RAPH1: variants seen among roughly 807,000 people sequenced by gnomAD.
RAPH1 encodes the protein ras-associated and pleckstrin homology domains-containing protein 1.
Under a neutral mutation model 88.1 loss-of-function variants are expected in RAPH1, and 18 were observed. That is an observed-to-expected ratio of 0.20 (90% confidence interval 0.14 to 0.30). The LOEUF is 0.30. Among genes scored for constraint, RAPH1 ranks in the 10% least tolerant of loss-of-function variants. The pLI, the probability that RAPH1 is intolerant of heterozygous loss-of-function variation, is 1.00. For synonymous variants in RAPH1, 587 were observed against 559.0 expected, an observed-to-expected ratio of 1.05 and a Z score of -0.71; for missense variants, 1,448 against 1,543.2, an observed-to-expected ratio of 0.94 and a Z score of 1.03.
At chr2:203,463,189 G>C (rs2098525537) in intron 4 of RAPH1, among the ~76,000 whole-genome samples, 1 of 147,310 alleles carries the variant, frequency 6.8e-6, no homozygotes. Context: ...GCAACAGAGC[G>C]AGACTCCATC....
chr2:203,490,991 C>T (rs1297657771), intron 3 of RAPH1, among the ~76,000 whole-genome samples: 6 of 150,636 alleles, frequency 4.0e-5, no homozygotes, highest in Non-Finnish European at 5.9e-5. Context: ...TTGCAGTGAG[C>T]CGAGACTGTG....
intron 4 of RAPH1, chr2:203,477,156 G>A (rs773836422): frequency 6.2e-7 from 1 of 1,613,384 alleles, no homozygotes; most frequent in East Asian, 2.2e-5. Context: ...GAAATAGCAT[G>A]CTGTGAAAAT....
intron 1 of RAPH1, among the ~76,000 whole-genome samples, chr2:203,501,775 C>T (rs1222038445): frequency 1.4e-5 from 2 of 140,930 alleles, no homozygotes; most frequent in African/African-American, 5.5e-5. Context: ...TCCAAACCTT[C>T]GAAAATACTC....
chr2:203,499,703 T>G (rs1688657991), intron 1 of RAPH1, among the ~76,000 whole-genome samples: 1 of 151,534 alleles, frequency 6.6e-6, no homozygotes, highest in South Asian at 2.1e-4. Context: ...ACGAGTGAAC[T>G]CCATCTCAAA....
rs1017619951 is a variant in RAPH1, at chr2:203,464,170, T to C, written c.733-2245A>G. Among the ~76,000 whole-genome samples the C allele has an allele frequency of 3.3e-5, 5 of 152,222 alleles. No homozygotes were observed. The East Asian group carries it at 9.6e-4, about 29-fold the overall frequency. On this transcript the variant is annotated intron_variant, in intron 4 of 13. Transcript: ENST00000319170. ...TGCAAAGAAAGTTTACCAAGGTATA[T>C]TTGCAGGTTTCACTTCATATTCCTG... is the stretch of plus-strand genomic sequence containing the variant.
intron 2 of RAPH1, among the ~76,000 whole-genome samples, chr2:203,493,971 CAAAAAAA>C (rs397937732): frequency 1.5e-3 from 29 of 18,958 alleles, no homozygotes; most frequent in Middle Eastern, 0.045. Flanking sequence ...GACTCTATCT[CAAAAAAA>C]AAAAAAAAAA....
In RAPH1 at chr2:203,455,559, C is replaced by T; in HGVS notation, c.1180G>A (p.Val394Ile). The T allele has an allele frequency of 6.2e-7, 1 of 1,611,978 alleles. No homozygotes were observed. The highest frequency in any genetic ancestry group is 2.2e-5 in the East Asian group (1 of 44,840). ...LLEECFCGSS[V>I]TVPEIEGVLW... ...ACTCCTTCAATTTCTGGTACAGTTA[C>T]AGAACTTCCACAAAAACATTCCTAA... Residue 394 changes from valine (V) to isoleucine (I), a missense_variant, in exon 9 of 14, where the codon GTA (valine) becomes ATA (isoleucine). By Grantham distance (29) the Val-to-Ile change is conservative. Around this residue, in one of 2 missense-constraint regions of RAPH1, gnomAD observed 513 missense variants for 653.1 expected, o/e 0.79. Coordinates refer to ENST00000319170, the MANE Select transcript of RAPH1 (RefSeq NM_213589.3).
In RAPH1 at chr2:203,478,134, C is replaced by T. The variant is rs575105824; in HGVS notation, c.732+11450G>A. On this transcript the variant is annotated intron_variant, in intron 4 of 13. Transcript: ENST00000319170. ...TTGCAAGCTCCACCTCCTGGGTTCACGCCATTCTCCTGCCTCATCCTCCCG... is the reference window on the plus strand; with the variant it reads ...TTGCAAGCTCCACCTCCTGGGTTCATGCCATTCTCCTGCCTCATCCTCCCG... Among the ~76,000 whole-genome samples, 10 of 151,236 alleles carry T rather than the reference C, an allele frequency of 6.6e-5. No individual in the cohort carries two copies. In the East Asian group the frequency reaches 1.6e-3, roughly 24 times the overall value.
rs549056071 is a variant in RAPH1, at chr2:203,520,236, G to A, written c.-1+14875C>T. ...GGTCTCAGCAACTTGGGAGGCTGAG[G>A]TGGGAGGATCACTGGAGCCTGGGAA... On this transcript the variant is annotated intron_variant, in intron 1 of 13. Coordinates refer to ENST00000319170, the MANE Select transcript of RAPH1 (RefSeq NM_213589.3). Among the ~76,000 whole-genome samples, 4 of 152,196 alleles carry A rather than the reference G, an allele frequency of 2.6e-5. No homozygotes were observed. In the South Asian group the frequency reaches 8.3e-4, roughly 32 times the overall value.
intron 4 of RAPH1, 61 bp downstream of exon 4, chr2:203,489,523 T>TA: frequency 8.3e-7 from 1 of 1,202,610 alleles, no homozygotes; most frequent in South Asian, 2.5e-5. Flanking sequence ...AAAATTATTT[T>TA]AATATAATTT....
At chr2:203,456,032 A>G (rs2098519180) in intron 8 of RAPH1, among the ~76,000 whole-genome samples, 1 of 150,684 alleles carries the variant, frequency 6.6e-6, no homozygotes, top group African/African-American at 2.5e-5. Context: ...AAACAAAAAC[A>G]AAAACAAAAA....
intron 4 of RAPH1, among the ~76,000 whole-genome samples, chr2:203,486,045 A>C (rs1038031742): frequency 3.3e-5 from 5 of 151,656 alleles, no homozygotes; most frequent in Non-Finnish European, 5.9e-5. Flanking sequence ...TTCTCCAGAG[A>C]AGCTCACCAG....
chr2:203,521,066 G>GT (rs1179262842), intron 1 of RAPH1, among the ~76,000 whole-genome samples: 1 of 151,992 alleles, frequency 6.6e-6, no homozygotes, highest in Non-Finnish European at 1.5e-5. Flanking sequence ...TTTTTGTTTT[G>GT]TTTTTGAGAC....
At chr2:203,495,716 G>A (rs1331343073) in intron 1 of RAPH1, among the ~76,000 whole-genome samples, 1 of 151,918 alleles carries the variant, frequency 6.6e-6, no homozygotes, top group Non-Finnish European at 1.5e-5. Flanking sequence ...CCACAAAGAA[G>A]CCATTTCAGA....
rs531151135 is a variant in RAPH1, at chr2:203,482,054, A to G, written c.732+7530T>C. On this transcript the variant is annotated intron_variant, in intron 4 of 13. Transcript: ENST00000319170. ...CACAGATTTCCAAGAAACACCAACA[A>G]TAAGAGTCAAGGCATATGTGCCAGT... Among the ~76,000 whole-genome samples, 16 of 152,110 alleles carry G rather than the reference A, an allele frequency of 1.1e-4. No individual in the cohort carries two copies. In the South Asian group the frequency reaches 2.9e-3, roughly 28 times the overall value.
At chr2:203,468,481 C>T (rs2098530404) in intron 4 of RAPH1, among the ~76,000 whole-genome samples, 1 of 152,306 alleles carries the variant, frequency 6.6e-6, no homozygotes, top group South Asian at 2.1e-4. Context: ...CCTCCTAGAA[C>T]CCGCTGATCT....
intron 4 of RAPH1, among the ~76,000 whole-genome samples, chr2:203,469,835 A>T (rs1275793669): frequency 6.6e-6 from 1 of 152,248 alleles, no homozygotes; most frequent in Non-Finnish European, 1.5e-5. Flanking sequence ...TGTTTTAATT[A>T]AATGAGGAGG....
At chr2:203,463,817 A>T (rs375328905) in intron 4 of RAPH1, among the ~76,000 whole-genome samples, 9 of 152,350 alleles carry the variant, frequency 5.9e-5, no homozygotes, top group African/African-American at 2.2e-4. Flanking sequence ...TTAAGATACA[A>T]ATTTTTCTCT....
rs2098497280 is a variant in RAPH1, at chr2:203,435,030, A to C, written c.*4407T>G. The C allele has an allele frequency of 6.6e-6, 1 of 152,670 alleles. No homozygotes were observed. The highest frequency in any genetic ancestry group is 1.5e-5 in the Non-Finnish European group (1 of 68,042). 9.5% of individuals were successfully genotyped at this position (152,670 alleles called of 1,614,324 possible). A position where few individuals can be genotyped will look rare whatever the true frequency, so the allele number is the denominator to read the frequency against. On this transcript the variant is annotated 3_prime_UTR_variant, in exon 14 of 14. Transcript: ENST00000319170. ...TTGAAGGCACTGGGGGTTTACAGCA[A>C]GTATTTTCTCTTTAAAACGGTTTAT...
Sources: allele counts gnomAD v4.1 joint callset (sites outside exome capture counted in the v4.1 genomes callset), GRCh38; gene constraint gnomAD v4.1.1; regional missense constraint gnomAD v4.1.1; transcripts MANE v1.5; gene names NCBI Gene and HGNC (gene_info 2026-07-23, HGNC 2026-07-21).